CNTNAP4: variants seen among roughly 807,000 people sequenced by gnomAD.
The protein encoded by CNTNAP4 is contactin associated protein family member 4.
A neutral mutation model predicts 148.4 loss-of-function variants in CNTNAP4; 98 were observed. The observed-to-expected ratio is 0.66, with a 90% CI of 0.56 to 0.78. The LOEUF (loss-of-function observed/expected upper bound fraction) is 0.78. Ranked by LOEUF, CNTNAP4 falls within the 30% of genes least tolerant of loss-of-function variation. The pLI is 0.00. For synonymous variants in CNTNAP4, 730 were observed against 565.1 expected (o/e 1.29, Z -4.14); for missense variants, 1,935 against 1,565.6 (o/e 1.24, Z -3.98).
chr16:76,501,352 A>T (rs1485417506), intron 15 of CNTNAP4, among the ~76,000 whole-genome samples: 5 of 152,202 alleles, frequency 3.3e-5, no homozygotes, highest in Non-Finnish European at 7.3e-5. Context: ...GCAGGGACCC[A>T]GGCTGGCTTC....
intron 1 of CNTNAP4, among the ~76,000 whole-genome samples, chr16:76,287,454 G>T (rs1597082588): frequency 6.6e-6 from 1 of 152,116 alleles, no homozygotes; most frequent in South Asian, 2.1e-4. Flanking sequence ...GCTTGCCTGT[G>T]GGATAGTTTC....
intron 8 of CNTNAP4, among the ~76,000 whole-genome samples, chr16:76,459,120 A>G (rs1056926321): frequency 2.0e-5 from 3 of 152,196 alleles, no homozygotes; most frequent in Admixed American, 2.0e-4. Context: ...AGTCTTGCAC[A>G]CAGGGCTTTG....
chr16:76,343,918 C>G (rs1265709923), intron 2 of CNTNAP4, among the ~76,000 whole-genome samples: 1 of 152,124 alleles, frequency 6.6e-6, no homozygotes, highest in Non-Finnish European at 1.5e-5. Flanking sequence ...AATCATGACC[C>G]TTGTGCATTC....
intron 3 of CNTNAP4, among the ~76,000 whole-genome samples, chr16:76,417,600 A>G (rs866856031): frequency 7.3e-5 from 11 of 151,578 alleles, no homozygotes; most frequent in Admixed American, 7.3e-4. Flanking sequence ...ATGCATGATT[A>G]TTATTGTAAA....
chr16:76,467,444 G>C lies in CNTNAP4; in HGVS notation c.1576G>C (p.Val526Leu), dbSNP rs778791332. 2 of 1,613,800 alleles carry C rather than the reference G, an allele frequency of 1.2e-6. No individual in the cohort carries two copies. The highest frequency in any genetic ancestry group is 1.7e-6 in the Non-Finnish European group (2 of 1,179,794). ...GCTCATTTCTATCAGCGGCAAAGTG[G>C]TAGATCTGATTTCAGTTCAGCAGGG... Reference protein sequence around the residue: ...MRLISISGKVVDLISVQQGSL... With the variant: ...MRLISISGKVLDLISVQQGSL... Residue 526 changes from valine to leucine, a missense_variant, in exon 10 of 24, where the codon GTA becomes CTA. Transcript: ENST00000611870.
chr16:76,277,640 G>T lies in CNTNAP4; in HGVS notation c.-23G>T. ...CTCTGAGAGCCTCTCAAGATCTTTT[G>T]GGGGAGCCCAATAAATGTGAACATG... On this transcript the variant is annotated 5_prime_UTR_variant, in exon 1 of 24. Transcript: ENST00000611870. 2 of 1,557,250 alleles carry T rather than the reference G, an allele frequency of 1.3e-6. No homozygotes were observed. Among genetic ancestry groups the T allele is most frequent in the African/African-American group, 1.4e-5 (1 of 74,012 alleles).
intron 3 of CNTNAP4, among the ~76,000 whole-genome samples, chr16:76,407,072 A>G (rs1447396610): frequency 2.0e-5 from 3 of 152,170 alleles, no homozygotes; most frequent in Non-Finnish European, 4.4e-5. Context: ...CTCTCTTGTC[A>G]GAGACTAATG....
intron 8 of CNTNAP4, among the ~76,000 whole-genome samples, chr16:76,460,402 C>A (rs1288147446): frequency 6.6e-6 from 1 of 151,784 alleles, no homozygotes; most frequent in Non-Finnish European, 1.5e-5. Flanking sequence ...AGCCACCACA[C>A]CTGGCCAAAA....
chr16:76,479,502 C>A lies in CNTNAP4; in HGVS notation c.1846C>A (p.Pro616Thr), dbSNP rs1173241484. 4.3e-6 allele frequency: 7 copies of A among 1,609,512 alleles called. No homozygotes were observed. ...CTATATAGATTCAGATGGAAGTGGT[C>A]CCCTGGAACCATTTCTTCTATATTG... ...FYYIDSDGSG[P>T]LEPFLLYCNM... Residue 616 changes from proline to threonine, a missense_variant, in exon 12 of 24, where the codon CCC becomes ACC. Transcript: ENST00000611870.
intron 4 of CNTNAP4, among the ~76,000 whole-genome samples, chr16:76,429,074 C>T (rs534383893): frequency 6.6e-6 from 1 of 152,128 alleles, no homozygotes; most frequent in Non-Finnish European, 1.5e-5. Flanking sequence ...AGTCAGTGGC[C>T]AACTAACCTC....
intron 15 of CNTNAP4, among the ~76,000 whole-genome samples, chr16:76,505,098 C>A (rs1009356792): frequency 1.3e-5 from 2 of 152,142 alleles, no homozygotes; most frequent in African/African-American, 4.8e-5. Context: ...TATGACCCAG[C>A]AATCCCCATC....
chr16:76,374,127 A>G (rs571221454), intron 3 of CNTNAP4, among the ~76,000 whole-genome samples: 2 of 152,298 alleles, frequency 1.3e-5, no homozygotes, highest in South Asian at 2.1e-4. Context: ...TTTTGAAGCC[A>G]TGAGCATTTT....
Position 76,534,858 on chromosome 16 carries a change from C to T in CNTNAP4, c.2756-687C>T, listed in dbSNP as rs147284382. 2.6e-5 allele frequency among the ~76,000 whole-genome samples: 4 copies of T among 152,320 alleles called. No homozygotes were observed. In the East Asian group the frequency reaches 7.7e-4, roughly 29 times the overall value. ...ACATTGTAGACCTCTTCAAGGATGA[C>T]TTGATAGGTACATATGGTTATGTAT... On this transcript the variant is annotated intron_variant, in intron 17 of 23. Coordinates refer to ENST00000611870, the MANE Select transcript of CNTNAP4 (RefSeq NM_033401.5).
intron 2 of CNTNAP4, among the ~76,000 whole-genome samples, chr16:76,319,749 G>A (rs1051200239): frequency 1.3e-5 from 2 of 152,122 alleles, no homozygotes; most frequent in East Asian, 1.9e-4. Flanking sequence ...CAAGAAATGC[G>A]AAGGATTGCC....
At chr16:76,385,666 C>A (rs2016450815) in intron 3 of CNTNAP4, among the ~76,000 whole-genome samples, 1 of 152,072 alleles carries the variant, frequency 6.6e-6, no homozygotes, top group Middle Eastern at 3.4e-3. Flanking sequence ...TGGGTAAATA[C>A]ACAATTAGAG....
At chr16:76,466,882 CAA>C (rs989126271) in intron 9 of CNTNAP4, among the ~76,000 whole-genome samples, 28 of 152,016 alleles carry the variant, frequency 1.8e-4, no homozygotes, top group African/African-American at 6.3e-4. Flanking sequence ...TATTCCAAGC[CAA>C]GAGAACCCAT....
intron 17 of CNTNAP4, among the ~76,000 whole-genome samples, chr16:76,522,766 C>A (rs1014533596): frequency 2.3e-5 from 2 of 87,208 alleles, no homozygotes; most frequent in Non-Finnish European, 4.7e-5. Flanking sequence ...CTTTTCTTTT[C>A]TTTTCTTTTC....
chr16:76,364,449 C>G (rs1169709002), intron 3 of CNTNAP4, among the ~76,000 whole-genome samples: 1 of 152,020 alleles, frequency 6.6e-6, no homozygotes. Context: ...ACCCCCATTC[C>G]AGTTCATTTT....
chr16:76,335,322 C>G (rs748730983), intron 2 of CNTNAP4, among the ~76,000 whole-genome samples: 1 of 152,110 alleles, frequency 6.6e-6, no homozygotes, highest in African/African-American at 2.4e-5. Context: ...TCTGCAAACC[C>G]TTCATCTCCC....
Sources: gnomAD v4.1 joint callset for allele counts (sites outside exome capture counted in the v4.1 genomes callset) on GRCh38, gnomAD v4.1.1 for gene constraint, MANE v1.5 for transcripts, NCBI Gene and HGNC (gene_info 2026-07-23, HGNC 2026-07-21) for gene names.